The following F11 variants were observed in gnomAD, a reference collection of about 807,000 sequenced individuals.
The protein encoded by F11 is coagualtion factor XI.
A neutral mutation model predicts 76.5 loss-of-function variants in F11; 78 were observed. That is an observed-to-expected ratio of 1.02 (90% CI 0.85 to 1.23). The LOEUF is 1.23. Among genes scored for constraint, F11 ranks in the 50% most tolerant of loss-of-function variants. F11 has a pLI of 0.00. For missense variants in F11, 742 were observed against 771.4 expected (o/e 0.96, Z 0.45); for synonymous variants, 278 against 276.3 (o/e 1.01, Z -0.06).
At position 186,283,098 on chromosome 4, in the gene F11, G is replaced by A. The variant is rs4253855; in HGVS notation, c.1136-994G>A. On this transcript the variant is annotated intron_variant, in intron 10 of 14. Transcript: ENST00000403665. Reference sequence around the variant, plus strand: ...CACAGCACATTGACATCACCTGGGAGCTTGTTAGAAAGAATTTCAGGACCC... The same window carrying A: ...CACAGCACATTGACATCACCTGGGAACTTGTTAGAAAGAATTTCAGGACCC... 713 of 948,940 alleles carry A rather than the reference G, an allele frequency of 7.5e-4. 2 individuals are homozygous for A. The African/African-American group carries it at 0.011, about 15-fold the overall frequency. The allele number at this position is 948,940 out of a possible 1,614,324, so 58.8% of individuals were successfully genotyped here. A position where few individuals can be genotyped will look rare whatever the true frequency, so the allele number is the denominator to read the frequency against.
chr4:186,267,999 A>G (rs1739628522), intron 2 of F11, among the ~76,000 whole-genome samples: 2 of 152,176 alleles, frequency 1.3e-5, no homozygotes, highest in South Asian at 4.1e-4. Context: ...TGGAAATTGT[A>G]TTGTTATTTC....
At chr4:186,288,306 C>A in intron 14 of F11, 147 bp from the exon 15 acceptor site, 1 of 892,410 alleles carries the variant, frequency 1.1e-6, no homozygotes, top group Non-Finnish European at 1.9e-6. Flanking sequence ...AGGAGATTGA[C>A]TGGATGAACG....
chr4:186,280,003 T>A lies in F11; in HGVS notation c.756-9T>A, dbSNP rs1239775686. The stretch of plus-strand genomic sequence containing the variant: ...TGATATATTTCTACTTCCCTTTTGT[T>A]TTTGTTAGAAATCTTTGTCTCCTTA... On this transcript the variant is annotated splice_polypyrimidine_tract_variant and intron_variant, in intron 7 of 14. Transcript: ENST00000403665. The A allele has an allele frequency of 6.2e-7, 1 of 1,604,590 alleles. No homozygotes were observed. The highest frequency in any genetic ancestry group is 1.7e-5 in the Admixed American group (1 of 60,024).
At position 186,271,788 on chromosome 4, in the gene F11, C is replaced by G; in HGVS notation, c.218+17C>G. 6.2e-7 allele frequency: 1 copy of G among 1,613,902 alleles called. No homozygotes were observed. The highest frequency in any genetic ancestry group is 8.5e-7 in the Non-Finnish European group (1 of 1,179,792). ...CACCCGATGGTAAATGCTTATGTTT[C>G]TACATCGAGGAGACAGATTTTTAAA... On this transcript the variant is annotated intron_variant, in intron 3 of 14. Coordinates refer to ENST00000403665, the MANE Select transcript of F11 (RefSeq NM_000128.4).
chr4:186,274,193 G>T lies in F11; in HGVS notation c.403G>T (p.Glu135Ter), dbSNP rs121965063. ...CAGCTCAGTTGCCAAGAGTGCTCAA[G>T]AATGCCAAGAAAGATGCACGGATGA... ...YNSSVAKSAQECQERCTDDVH... is the reference protein window; with the variant it reads ...YNSSVAKSAQ The change falls in exon 5 of 15, where the codon GAA (glutamate) becomes TAA (stop). Residue 135 changes from glutamate to a stop codon, truncating the protein, a stop_gained. Coordinates refer to ENST00000403665, the MANE Select transcript of F11 (RefSeq NM_000128.4). LOFTEE classifies it high-confidence loss of function. The T allele has an allele frequency of 5.2e-4, 833 of 1,614,080 alleles. 7 individuals carry two copies. The highest frequency in any genetic ancestry group is 8.2e-4 in the Middle Eastern group (5 of 6,084).
intron 7 of F11, among the ~76,000 whole-genome samples, chr4:186,276,603 T>TG (rs1740405434): frequency 6.9e-6 from 1 of 145,442 alleles, no homozygotes; most frequent in African/African-American, 2.7e-5. Context: ...TTTTTTTTTT[T>TG]TGAGATGGAG....
At chr4:186,287,067 G>C (rs929471854) in intron 13 of F11, among the ~76,000 whole-genome samples, 1 of 151,922 alleles carries the variant, frequency 6.6e-6, no homozygotes, top group East Asian at 2.0e-4. Context: ...TCCACCTCCC[G>C]GGTTCAAGTG....
intron 2 of F11, among the ~76,000 whole-genome samples, chr4:186,269,517 A>C (rs1739765566): frequency 6.6e-6 from 1 of 152,238 alleles, no homozygotes. Flanking sequence ...ATACTGTGGG[A>C]TCTCACTGAT....
rs763800629 is a variant in F11, at chr4:186,287,819, G to C, written c.1712G>C (p.Cys571Ser). 1.9e-6 allele frequency: 3 copies of C among 1,612,434 alleles called. No homozygotes were observed. The highest frequency in any genetic ancestry group is 2.5e-6 in the Non-Finnish European group (3 of 1,179,010). The change falls in exon 14 of 15, where the codon TGC (cysteine) becomes TCC (serine). Residue 571 changes from cysteine to serine, a missense_variant. Transcript: ENST00000403665. ...AGYREGGKDACKGDSGGPLSC... is the reference protein window; with the variant it reads ...AGYREGGKDASKGDSGGPLSC... Reference sequence around the variant, plus strand: ...TACAGGGAAGGAGGGAAGGACGCTTGCAAGGTAACAGAGTGTTCTTAGCCA... The same window carrying C: ...TACAGGGAAGGAGGGAAGGACGCTTCCAAGGTAACAGAGTGTTCTTAGCCA...
At chr4:186,286,850 T>G (rs112270399) in intron 13 of F11, 1 of 316,256 alleles carries the variant, frequency 3.2e-6, no homozygotes, top group African/African-American at 2.3e-5. Flanking sequence ...TTGAACTTAA[T>G]TAACATTAAC....
chr4:186,266,486 A>G (rs1739506162), intron 1 of F11, among the ~76,000 whole-genome samples, 191 bp downstream of exon 1: 1 of 152,254 alleles, frequency 6.6e-6, no homozygotes, highest in South Asian at 2.1e-4. Flanking sequence ...GTGGAACAAC[A>G]GAAGAGTAAC....
rs748122730 is a variant in F11, at chr4:186,288,551, A to C, written c.1815A>C (p.Pro605=). 1 of 1,614,188 alleles carries C rather than the reference A, an allele frequency of 6.2e-7. No homozygotes were observed. The highest frequency in any genetic ancestry group is 1.1e-5 in the South Asian group (1 of 91,072). The change falls in exon 15 of 15, where the codon CCA becomes CCC. Residue 605 remains proline, a synonymous_variant. Coordinates refer to ENST00000403665, the MANE Select transcript of F11 (RefSeq NM_000128.4). ...WGEGCAQRER[P]GVYTNVVEYV... The stretch of plus-strand genomic sequence containing the variant: ...AAGGCTGTGCTCAAAGGGAGCGGCC[A>C]GGTGTTTACACCAACGTGGTCGAGT...
intron 1 of F11, among the ~76,000 whole-genome samples, 165 bp from the exon 2 acceptor site, chr4:186,266,971 C>G (rs1254664598): frequency 1.3e-5 from 1 of 79,136 alleles, no homozygotes; most frequent in Non-Finnish European, 2.5e-5. Context: ...CTAAGGAATG[C>G]TCCAGGATTG....
rs779354401 is a variant in F11 at position 186,271,596 on chromosome 4, T to C, written c.56-13T>C. 2 of 1,614,134 alleles carry C rather than the reference T, an allele frequency of 1.2e-6. No homozygotes were observed. Among genetic ancestry groups the C allele is most frequent in the South Asian group, 1.1e-5 (1 of 91,084 alleles). On this transcript the variant is annotated splice_polypyrimidine_tract_variant and intron_variant, in intron 2 of 14. Coordinates refer to ENST00000403665, the MANE Select transcript of F11 (RefSeq NM_000128.4). ...AAAATCCAACATAACGCATGCCATG[T>C]ACTACATCACAGAATGTGTGACTCA...
At chr4:186,274,555 C>T (rs996769697) in intron 5 of F11, 3 of 446,178 alleles carry the variant, frequency 6.7e-6, no homozygotes, top group African/African-American at 4.0e-5. Flanking sequence ...ACTTTTGAAA[C>T]AGCTGCAATT....
At chr4:186,269,984 T>C (rs1403288478) in intron 2 of F11, among the ~76,000 whole-genome samples, 1 of 152,102 alleles carries the variant, frequency 6.6e-6, no homozygotes, top group African/African-American at 2.4e-5. Flanking sequence ...TCCCAAGGGA[T>C]TGAGAATAGG....
At chr4:186,281,899 C>A in intron 10 of F11, 1 of 1,245,670 alleles carries the variant, frequency 8.0e-7, no homozygotes, top group Non-Finnish European at 1.1e-6. Context: ...TTGCCTCCAA[C>A]ACTGGTATCC....
At chr4:186,274,610 C>A in intron 5 of F11, 1 of 339,480 alleles carries the variant, frequency 2.9e-6, no homozygotes, top group South Asian at 2.9e-5. Context: ...ATGTTACAGT[C>A]TAACAGAATA....
chr4:186,286,082 T>G, intron 12 of F11: 1 of 548,244 alleles, frequency 1.8e-6, no homozygotes. Context: ...TACTTTGGAA[T>G]AGTAAAGATA....
Sources: gnomAD v4.1 joint callset for allele counts (sites outside exome capture counted in the v4.1 genomes callset) on GRCh38, gnomAD v4.1.1 for gene constraint, MANE v1.5 for transcripts, NCBI Gene and HGNC (gene_info 2026-07-23, HGNC 2026-07-21) for gene names.